Variants in SH3RF3 observed in about 807,000 individuals in gnomAD.
SH3RF3 encodes SH3 domain containing ring finger 3.
Under a neutral mutation model 66.3 loss-of-function variants are expected in SH3RF3, and 29 were observed. That is an observed-to-expected ratio of 0.44 (90% CI 0.33 to 0.60). The LOEUF (loss-of-function observed/expected upper bound fraction) is 0.60, where lower values mean the gene tolerates loss of function less well. SH3RF3 is among the 20% of genes least tolerant of loss of function. The pLI is 0.04. For missense variants in SH3RF3, 1,194 were observed against 1,190.9 expected, an observed-to-expected ratio of 1.00 and a Z score of -0.04; for synonymous variants, 583 against 532.0, an observed-to-expected ratio of 1.10 and a Z score of -1.32.
chr2:109,133,363 G>A (rs1041194455), intron 1 of SH3RF3, among the ~76,000 whole-genome samples: 1 of 152,158 alleles, frequency 6.6e-6, no homozygotes, highest in Non-Finnish European at 1.5e-5. Context: ...ATGTGACTGG[G>A]ACTTAATAGA....
intron 1 of SH3RF3, among the ~76,000 whole-genome samples, chr2:109,223,587 G>A (rs1679305500): frequency 6.6e-6 from 1 of 152,000 alleles, no homozygotes; most frequent in South Asian, 2.1e-4. Flanking sequence ...TTCAAGCATC[G>A]GTGGAGGGCA....
At chr2:109,139,768 T>C (rs1432997157) in intron 1 of SH3RF3, among the ~76,000 whole-genome samples, 1 of 152,246 alleles carries the variant, frequency 6.6e-6, no homozygotes, top group East Asian at 1.9e-4. Context: ...CAGCAGCCCA[T>C]TGAACAATGG....
chr2:109,399,003 C>A (rs1229449388), intron 4 of SH3RF3, 60 bp downstream of exon 4: 45 of 1,496,634 alleles, frequency 3.0e-5, no homozygotes, highest in Non-Finnish European at 3.9e-5. Flanking sequence ...ATCCTCAGCT[C>A]CGTGTTCAGT....
At chr2:109,238,201 A>T (rs947702379) in intron 1 of SH3RF3, among the ~76,000 whole-genome samples, 5 of 151,260 alleles carry the variant, frequency 3.3e-5, no homozygotes, top group Non-Finnish European at 5.9e-5. Context: ...CCTGTCTCTT[A>T]AAAAAAAATA....
At chr2:109,233,853 A>T (rs1264616120) in intron 1 of SH3RF3, among the ~76,000 whole-genome samples, 1 of 152,180 alleles carries the variant, frequency 6.6e-6, no homozygotes, top group African/African-American at 2.4e-5. Flanking sequence ...CACATTTGCG[A>T]TTGGTCTGCA....
chr2:109,281,050 C>G (rs1680877874), intron 1 of SH3RF3, among the ~76,000 whole-genome samples: 1 of 152,224 alleles, frequency 6.6e-6, no homozygotes, highest in African/African-American at 2.4e-5. Flanking sequence ...CAGAGCCGAC[C>G]TTGTATGCCA....
At chr2:109,291,389 C>G (rs887250632) in intron 1 of SH3RF3, among the ~76,000 whole-genome samples, 1 of 151,296 alleles carries the variant, frequency 6.6e-6, no homozygotes, top group Non-Finnish European at 1.5e-5. Flanking sequence ...TCTGCCCAAA[C>G]AGTGAGTGGG....
At chr2:109,430,816 T>TG (rs1677188251) in intron 5 of SH3RF3, among the ~76,000 whole-genome samples, 2 of 152,304 alleles carry the variant, frequency 1.3e-5, no homozygotes, top group South Asian at 4.1e-4. Flanking sequence ...GAGTTGGTCC[T>TG]AATTTCACTG....
chr2:109,266,904 A>G (rs1351255296), intron 1 of SH3RF3, among the ~76,000 whole-genome samples: 7 of 152,244 alleles, frequency 4.6e-5, no homozygotes, highest in Admixed American at 4.6e-4. Flanking sequence ...AAGCTGATGT[A>G]TGTCCCTGAG....
chr2:109,338,074 G>A (rs1156526512), intron 1 of SH3RF3, among the ~76,000 whole-genome samples: 1 of 152,138 alleles, frequency 6.6e-6, no homozygotes, highest in Non-Finnish European at 1.5e-5. Flanking sequence ...TGTGTCATGT[G>A]ATGTGGAGAA....
intron 1 of SH3RF3, among the ~76,000 whole-genome samples, chr2:109,149,296 G>A (rs2104863768): frequency 6.6e-6 from 1 of 152,324 alleles, no homozygotes; most frequent in Non-Finnish European, 1.5e-5. Context: ...AGATCCATTG[G>A]CTTAGAGCTG....
At chr2:109,242,569 C>T (rs573700332) in intron 1 of SH3RF3, among the ~76,000 whole-genome samples, 37 of 152,338 alleles carry the variant, frequency 2.4e-4, no homozygotes, top group African/African-American at 8.4e-4. Context: ...CACTGACCAC[C>T]GTGCCCCAGG....
At chr2:109,352,354 C>G (rs989519134) in intron 2 of SH3RF3, among the ~76,000 whole-genome samples, 3 of 152,196 alleles carry the variant, frequency 2.0e-5, no homozygotes, top group Non-Finnish European at 4.4e-5. Context: ...GACTGGTCTG[C>G]TATGCTTTTA....
In SH3RF3 at chr2:109,172,331, G is replaced by T. The variant is rs1486186150; in HGVS notation, c.573+42218G>T. 1.3e-5 allele frequency among the ~76,000 whole-genome samples: 2 copies of T among 152,240 alleles called. 1 individual carries two copies. The highest frequency in any genetic ancestry group is 2.9e-5 in the Non-Finnish European group (2 of 68,044). ...AGGACCTTGCAAACAGCGTGGAAATGCGCGAGCCAGCGGTCAAACCCCTCT... is the reference window on the plus strand; with the variant it reads ...AGGACCTTGCAAACAGCGTGGAAATTCGCGAGCCAGCGGTCAAACCCCTCT... On this transcript the variant is annotated intron_variant, in intron 1 of 9. Coordinates refer to ENST00000309415, the MANE Select transcript of SH3RF3 (RefSeq NM_001099289.3).
intron 2 of SH3RF3, among the ~76,000 whole-genome samples, chr2:109,357,228 C>T (rs1682964631): frequency 6.6e-6 from 1 of 151,830 alleles, no homozygotes; most frequent in Non-Finnish European, 1.5e-5. Context: ...GTCGCCCAGG[C>T]TGGAGTGCAG....
chr2:109,481,249 G>A (rs573990976), intron 8 of SH3RF3, among the ~76,000 whole-genome samples: 2 of 152,230 alleles, frequency 1.3e-5, no homozygotes, highest in African/African-American at 4.8e-5. Flanking sequence ...AGGTCTCTCT[G>A]TGCTCAAGCT....
chr2:109,491,708 G>C (rs908624491), intron 9 of SH3RF3, among the ~76,000 whole-genome samples: 3 of 152,170 alleles, frequency 2.0e-5, no homozygotes, highest in Non-Finnish European at 2.9e-5. Flanking sequence ...AGAGAGATAC[G>C]ATGGCTGTCA....
At chr2:109,200,697 G>A (rs1425776331) in intron 1 of SH3RF3, among the ~76,000 whole-genome samples, 1 of 152,100 alleles carries the variant, frequency 6.6e-6, no homozygotes, top group Non-Finnish European at 1.5e-5. Context: ...CCTGCACTCC[G>A]GTTGGTTCAC....
chr2:109,377,490 G>C (rs1683414923), intron 3 of SH3RF3, among the ~76,000 whole-genome samples: 1 of 152,196 alleles, frequency 6.6e-6, no homozygotes. Flanking sequence ...TGTGACGCCA[G>C]ACCCAAGCCT....
Sources: gnomAD v4.1 joint callset for allele counts (sites outside exome capture counted in the v4.1 genomes callset) on GRCh38, gnomAD v4.1.1 for gene constraint, MANE v1.5 for transcripts, NCBI Gene and HGNC (gene_info 2026-07-23, HGNC 2026-07-21) for gene names.